GNAQ: variants seen among roughly 807,000 people sequenced by gnomAD.
GNAQ encodes guanine nucleotide-binding protein G(q) subunit alpha.
GNAQ carries 8 observed loss-of-function variants against 43.9 expected under a neutral mutation model. That is an observed-to-expected ratio of 0.18 (90% CI 0.11 to 0.33). The LOEUF (loss-of-function observed/expected upper bound fraction) is 0.33. GNAQ is among the 10% of genes least tolerant of loss of function. The pLI is 1.00. For synonymous variants in GNAQ, 155 were observed against 170.7 expected (o/e 0.91, Z 0.71); for missense variants, 158 against 450.8 (o/e 0.35, Z 5.88).
intron 2 of GNAQ, among the ~76,000 whole-genome samples, chr9:77,913,903 T>A (rs1228652771): frequency 1.3e-5 from 2 of 152,170 alleles, no homozygotes; most frequent in Non-Finnish European, 2.9e-5. Context: ...TTTTGAAATT[T>A]TTATTATCGA....
At chr9:77,726,672 GTCTCT>G (rs1428491753) in intron 6 of GNAQ, among the ~76,000 whole-genome samples, 7 of 152,192 alleles carry the variant, frequency 4.6e-5, no homozygotes, top group Non-Finnish European at 8.8e-5. Context: ...TTTAAAAATA[GTCTCT>G]TCTCTTGTTG....
rs1825286958 is a variant in GNAQ at position 77,720,099 on chromosome 9, A to G, written c.*1224T>C. 1 of 232,834 alleles carries G rather than the reference A, an allele frequency of 4.3e-6. No homozygotes were observed. Among genetic ancestry groups the G allele is most frequent in the Non-Finnish European group, 8.5e-6 (1 of 117,842 alleles). The allele number at this position is 232,834 out of a possible 1,614,324, so 14.4% of individuals were successfully genotyped here. A position where few individuals can be genotyped will look rare whatever the true frequency, so the allele number is the denominator to read the frequency against. On this transcript the variant is annotated 3_prime_UTR_variant, in exon 7 of 7. Coordinates refer to ENST00000286548, the MANE Select transcript of GNAQ (RefSeq NM_002072.5). ...GATACTTTTTACATTGCCGGTTTGGACACTGAACATGGGACGTGAACACTA... is the reference window on the plus strand; with the variant it reads ...GATACTTTTTACATTGCCGGTTTGGGCACTGAACATGGGACGTGAACACTA...
At chr9:77,791,939 G>A (rs1267961589) in intron 5 of GNAQ, among the ~76,000 whole-genome samples, 2 of 152,086 alleles carry the variant, frequency 1.3e-5, no homozygotes, top group Non-Finnish European at 2.9e-5. Context: ...CAAAAAATCT[G>A]GGGAAACTAG....
At chr9:77,993,224 T>A (rs1823530400) in intron 1 of GNAQ, among the ~76,000 whole-genome samples, 2 of 152,182 alleles carry the variant, frequency 1.3e-5, no homozygotes, top group African/African-American at 4.8e-5. Context: ...TGGAGAAATA[T>A]GCTTTGGTAT....
chr9:77,974,620 T>A (rs1233606611), intron 1 of GNAQ, among the ~76,000 whole-genome samples: 1 of 152,146 alleles, frequency 6.6e-6, no homozygotes, highest in Admixed American at 6.5e-5. Context: ...GAGGGGAGGA[T>A]AATGGCCTGC....
rs551478838 is a variant in GNAQ, at chr9:77,718,048, G to A, written c.*3275C>T. 4 of 232,830 alleles carry A rather than the reference G, an allele frequency of 1.7e-5. No individual in the cohort carries two copies. The South Asian group carries it at 7.2e-4, about 42-fold the overall frequency. The allele number at this position is 232,830 out of a possible 1,614,324, so 14.4% of individuals were successfully genotyped here. A position where few individuals can be genotyped will look rare whatever the true frequency, so the allele number is the denominator to read the frequency against. Reference sequence around the variant, plus strand: ...TTAGAACTGCCATGTCACGCAAAAAGGGAAAAATCATCTGTAAACTGGTAC... The same window carrying A: ...TTAGAACTGCCATGTCACGCAAAAAAGGAAAAATCATCTGTAAACTGGTAC... On this transcript the variant is annotated 3_prime_UTR_variant, in exon 7 of 7. Transcript: ENST00000286548.
At position 77,717,065 on chromosome 9, in the gene GNAQ, C is replaced by A; in HGVS notation, c.*4258G>T. ...CATATACAACTAAGCCATTTCTTTT[C>A]CTAATTTGATGGAACCAAAATGAAA... is the stretch of plus-strand genomic sequence containing the variant. On this transcript the variant is annotated 3_prime_UTR_variant, in exon 7 of 7. Coordinates refer to ENST00000286548, the MANE Select transcript of GNAQ (RefSeq NM_002072.5). The A allele has an allele frequency of 4.3e-6, 1 of 232,718 alleles. No individual in the cohort carries two copies. Among genetic ancestry groups the A allele is most frequent in the East Asian group, 6.1e-5 (1 of 16,456 alleles). The allele number at this position is 232,718 out of a possible 1,614,324, so 14.4% of individuals were successfully genotyped here.
At chr9:77,733,989 A>G (rs529541939) in intron 5 of GNAQ, among the ~76,000 whole-genome samples, 1 of 152,358 alleles carries the variant, frequency 6.6e-6, no homozygotes, top group Admixed American at 6.5e-5. Context: ...GCTGGAAGCT[A>G]GCTTTCTTCA....
intron 1 of GNAQ, among the ~76,000 whole-genome samples, chr9:77,985,902 T>A (rs1250562977): frequency 6.6e-6 from 1 of 152,202 alleles, no homozygotes; most frequent in African/African-American, 2.4e-5. Flanking sequence ...TATGATTTTT[T>A]AAAACAGCTG....
At chr9:77,817,668 C>A (rs1228386378) in intron 2 of GNAQ, among the ~76,000 whole-genome samples, 1 of 152,112 alleles carries the variant, frequency 6.6e-6, no homozygotes, top group Non-Finnish European at 1.5e-5. Flanking sequence ...CACAGAGCAC[C>A]AAAATGTTAA....
At chr9:77,787,901 G>A (rs1425266929) in intron 5 of GNAQ, among the ~76,000 whole-genome samples, 14 of 151,964 alleles carry the variant, frequency 9.2e-5, no homozygotes, top group Non-Finnish European at 1.8e-4. Flanking sequence ...ATGGTGGCGC[G>A]TGCCTGTAAT....
At chr9:77,996,627 G>A (rs1479084571) in intron 1 of GNAQ, among the ~76,000 whole-genome samples, 1 of 143,122 alleles carries the variant, frequency 7.0e-6, no homozygotes, top group Non-Finnish European at 1.5e-5. Context: ...GCAGTGAGCT[G>A]AGATCGCGCC....
chr9:77,729,962 G>C lies in GNAQ; in HGVS notation c.736-1295C>G, dbSNP rs550737500. On this transcript the variant is annotated intron_variant, in intron 5 of 6. Coordinates refer to ENST00000286548, the MANE Select transcript of GNAQ (RefSeq NM_002072.5). ...TAGGCCAATTAACTTGAGCACTTTT[G>C]CTGGGAACTCTGGAACAGAGAACCT... 4.3e-4 allele frequency among the ~76,000 whole-genome samples: 66 copies of C among 152,290 alleles called. 1 individual carries two copies. The highest frequency in any genetic ancestry group is 5.7e-4 in the Non-Finnish European group (39 of 68,026).
chr9:77,918,447 C>T (rs1828947444), intron 2 of GNAQ, among the ~76,000 whole-genome samples: 2 of 151,870 alleles, frequency 1.3e-5, no homozygotes, highest in Admixed American at 1.3e-4. Flanking sequence ...ATCAAATATA[C>T]ACCAAATTCT....
chr9:78,010,153 G>A (rs1423958454), intron 1 of GNAQ, among the ~76,000 whole-genome samples: 21 of 152,172 alleles, frequency 1.4e-4, no homozygotes, highest in Admixed American at 1.4e-3. Flanking sequence ...TTTAAAAGAT[G>A]AGAACAATCA....
chr9:77,825,376 A>T (rs1827176860), intron 2 of GNAQ, among the ~76,000 whole-genome samples: 1 of 152,164 alleles, frequency 6.6e-6, no homozygotes, highest in Non-Finnish European at 1.5e-5. Context: ...TACACCTAGC[A>T]ACTGCCCACT....
At chr9:77,791,382 C>CCA (rs1256448170) in intron 5 of GNAQ, among the ~76,000 whole-genome samples, 6 of 152,158 alleles carry the variant, frequency 3.9e-5, no homozygotes, top group Non-Finnish European at 8.8e-5. Context: ...CTTTCAGGAG[C>CCA]ACTGAAATAA....
At chr9:77,856,067 C>T (rs1424942682) in intron 2 of GNAQ, among the ~76,000 whole-genome samples, 4 of 152,164 alleles carry the variant, frequency 2.6e-5, no homozygotes, top group Non-Finnish European at 4.4e-5. Context: ...ATAATCTACA[C>T]ATCATTTACA....
chr9:77,779,500 T>C (rs570472910), intron 5 of GNAQ, among the ~76,000 whole-genome samples: 1 of 151,476 alleles, frequency 6.6e-6, no homozygotes, highest in South Asian at 2.1e-4. Flanking sequence ...CTCAGGAAAC[T>C]AGAAATAGAA....
Sources: allele counts gnomAD v4.1 joint callset (sites outside exome capture counted in the v4.1 genomes callset), GRCh38; gene constraint gnomAD v4.1.1; transcripts MANE v1.5; gene names NCBI Gene and HGNC (gene_info 2026-07-23, HGNC 2026-07-21).